The following TMEM178B variants were observed in gnomAD, a reference collection of about 807,000 sequenced individuals.
TMEM178B encodes the protein transmembrane protein 178B.
A neutral mutation model predicts 31.0 loss-of-function variants in TMEM178B; 5 were observed. The ratio of observed to expected loss-of-function variants is 0.16; its 90% CI spans 0.08 to 0.34. TMEM178B has a LOEUF of 0.34. Among genes scored for constraint, TMEM178B ranks in the 10% least tolerant of loss-of-function variants. TMEM178B has a pLI of 1.00. For missense variants in TMEM178B, 275 were observed against 400.3 expected (o/e 0.69, Z 2.67); for synonymous variants, 164 against 164.0 (o/e 1.00, Z 0.00).
chr7:141,324,179 G>A (rs767899466), intron 2 of TMEM178B, among the ~76,000 whole-genome samples: 1 of 152,026 alleles, frequency 6.6e-6, no homozygotes, highest in African/African-American at 2.4e-5. Context: ...AGCTTTGATC[G>A]GAGGACAGAT....
intron 2 of TMEM178B, among the ~76,000 whole-genome samples, chr7:141,298,875 A>G (rs1353719923): frequency 6.6e-6 from 1 of 152,222 alleles, no homozygotes; most frequent in Non-Finnish European, 1.5e-5. Context: ...AAGTTGAGAA[A>G]GATATGGAGA....
Position 141,074,287 on chromosome 7 carries a change from A to G in TMEM178B, c.-24A>G. The G allele has an allele frequency of 2.7e-6, 4 of 1,499,672 alleles. No individual in the cohort carries two copies. Among genetic ancestry groups the G allele is most frequent in the Admixed American group, 2.1e-5 (1 of 46,616 alleles). 92.9% of individuals were successfully genotyped at this position (1,499,672 alleles called of 1,614,324 possible). A position where few individuals can be genotyped will look rare whatever the true frequency, so the allele number is the denominator to read the frequency against. ...GGCGAGGCTGCGGCGGATCATGCCC[A>G]TGGTGTAGCCGCCAAGCGGAGGCAT... On this transcript the variant is annotated 5_prime_UTR_variant, in exon 1 of 4. The change abolishes an upstream ATG in the 5' untranslated region. Transcript: ENST00000565468. The surrounding 1 kb of genome is among the most constrained non-coding windows in gnomAD (Gnocchi z 5.1).
chr7:141,248,887 G>A (rs956074626), intron 2 of TMEM178B, among the ~76,000 whole-genome samples: 13 of 152,140 alleles, frequency 8.5e-5, no homozygotes, highest in African/African-American at 1.4e-4. Context: ...TAGCTTACTC[G>A]ATGACCACTG....
chr7:141,228,925 C>A (rs996800545), intron 2 of TMEM178B, among the ~76,000 whole-genome samples: 1 of 151,576 alleles, frequency 6.6e-6, no homozygotes, highest in Admixed American at 6.6e-5. Context: ...CTTTTAGAAG[C>A]TTTCCAAGAC....
At chr7:141,305,844 G>A (rs1798807409) in intron 2 of TMEM178B, among the ~76,000 whole-genome samples, 1 of 152,042 alleles carries the variant, frequency 6.6e-6, no homozygotes, top group Admixed American at 6.6e-5. Context: ...TATCATGGGT[G>A]GTCTGTCCTC....
At chr7:141,107,819 A>G (rs1339164499) in intron 1 of TMEM178B, among the ~76,000 whole-genome samples, 1 of 152,206 alleles carries the variant, frequency 6.6e-6, no homozygotes, top group African/African-American at 2.4e-5. Flanking sequence ...GAGATCACCA[A>G]GGGAGGGGAC....
chr7:141,259,301 A>AT (rs1394173995), intron 2 of TMEM178B, among the ~76,000 whole-genome samples: 2 of 152,178 alleles, frequency 1.3e-5, no homozygotes, highest in East Asian at 1.9e-4. Context: ...GTTTAAAAAT[A>AT]TTTTTATTGA....
At chr7:141,144,305 G>T (rs1200651406) in intron 1 of TMEM178B, among the ~76,000 whole-genome samples, 1 of 152,054 alleles carries the variant, frequency 6.6e-6, no homozygotes, top group Non-Finnish European at 1.5e-5. Context: ...GCTGAGTATT[G>T]CTTTCTGTAG....
intron 1 of TMEM178B, among the ~76,000 whole-genome samples, chr7:141,201,228 G>A (rs1796872145): frequency 6.6e-6 from 1 of 152,204 alleles, no homozygotes; most frequent in African/African-American, 2.4e-5. Flanking sequence ...AGGCCACATG[G>A]CCAGAGCTGT....
chr7:141,125,680 G>GAAAAAAA (rs774508037), intron 1 of TMEM178B, among the ~76,000 whole-genome samples: 2 of 78,716 alleles, frequency 2.5e-5, no homozygotes, highest in African/African-American at 4.5e-5. Context: ...ACTCCATCTC[G>GAAAAAAA]AAAAAAAAAA....
At chr7:141,160,350 T>C (rs1343850143) in intron 1 of TMEM178B, among the ~76,000 whole-genome samples, 1 of 152,124 alleles carries the variant, frequency 6.6e-6, no homozygotes, top group African/African-American at 2.4e-5. Flanking sequence ...GGCACCAGCT[T>C]CACTTCTCCT....
At chr7:141,143,574 G>A (rs10240443) in intron 1 of TMEM178B, among the ~76,000 whole-genome samples, 9,162 of 152,152 alleles carry the variant, frequency 0.06, 926 homozygotes, top group African/African-American at 0.21. Context: ...CCCTTGGTCT[G>A]TGTGTCTGAT....
At chr7:141,218,254 G>T (rs1223455916) in intron 2 of TMEM178B, among the ~76,000 whole-genome samples, 2 of 152,108 alleles carry the variant, frequency 1.3e-5, no homozygotes, top group Non-Finnish European at 1.5e-5. Context: ...GAACGTCAGT[G>T]CCAAGGAGCC....
chr7:141,285,274 C>T (rs1164317612), intron 2 of TMEM178B, among the ~76,000 whole-genome samples: 1 of 150,894 alleles, frequency 6.6e-6, no homozygotes, highest in East Asian at 2.0e-4. Context: ...CCTCAGCCTC[C>T]CGAGTAGCTG....
intron 2 of TMEM178B, among the ~76,000 whole-genome samples, chr7:141,341,300 C>T (rs1799511794): frequency 6.6e-6 from 1 of 152,198 alleles, no homozygotes; most frequent in African/African-American, 2.4e-5. Context: ...TCTCTCCACA[C>T]TGTGCTACTT....
intron 1 of TMEM178B, among the ~76,000 whole-genome samples, chr7:141,198,860 G>C (rs1472212362): frequency 2.0e-5 from 3 of 152,208 alleles, no homozygotes; most frequent in African/African-American, 7.2e-5. Context: ...CGGGCGTGTG[G>C]GGCCGCAGGC....
At chr7:141,427,618 GA>G (rs1316541817) in intron 2 of TMEM178B, among the ~76,000 whole-genome samples, 4 of 152,104 alleles carry the variant, frequency 2.6e-5, no homozygotes, top group Non-Finnish European at 5.9e-5. Context: ...GAAAACAGGG[GA>G]AATGTTTCAT....
At chr7:141,232,236 G>A (rs1009706014) in intron 2 of TMEM178B, among the ~76,000 whole-genome samples, 3 of 152,168 alleles carry the variant, frequency 2.0e-5, no homozygotes, top group African/African-American at 7.2e-5. Context: ...TTGACTCTAT[G>A]TCTTTGCTAT....
chr7:141,295,008 A>G (rs534025805), intron 2 of TMEM178B, among the ~76,000 whole-genome samples: 16 of 152,250 alleles, frequency 1.1e-4, no homozygotes, highest in African/African-American at 3.9e-4. Flanking sequence ...ATACCACTAG[A>G]TAGAGAAGCT....
Sources: allele counts gnomAD v4.1 joint callset (sites outside exome capture counted in the v4.1 genomes callset), GRCh38; gene constraint gnomAD v4.1.1; non-coding constraint Gnocchi (gnomAD v3.1); transcripts MANE v1.5; gene names NCBI Gene and HGNC (gene_info 2026-07-23, HGNC 2026-07-21).